ANXA11: variants seen among roughly 807,000 people sequenced by gnomAD.
ANXA11 encodes annexin A11, also known as 56 kDa autoantigen.
Under a neutral mutation model 64.7 loss-of-function variants are expected in ANXA11, and 57 were observed. That is an observed-to-expected ratio of 0.88 (90% confidence interval 0.71 to 1.10). ANXA11 has a LOEUF of 1.10. ANXA11 is among the 50% of genes least tolerant of loss of function. The pLI, the probability that ANXA11 is intolerant of heterozygous loss-of-function variation, is 0.00. For synonymous variants in ANXA11, 260 were observed against 265.2 expected (o/e 0.98, Z 0.19); for missense variants, 675 against 670.7 (o/e 1.01, Z -0.07).
At chr10:80,182,947 T>C (rs1554834245) in intron 1 of ANXA11, among the ~76,000 whole-genome samples, 1 of 152,112 alleles carries the variant, frequency 6.6e-6, no homozygotes, top group Non-Finnish European at 1.5e-5. Flanking sequence ...AGAGAATTGG[T>C]CAGTGTGGGG....
chr10:80,166,769 C>G, intron 7 of ANXA11, 121 bp downstream of exon 7: 1 of 774,290 alleles, frequency 1.3e-6, no homozygotes, highest in Non-Finnish European at 2.1e-6. Flanking sequence ...AGGAAATGCC[C>G]TCCTGCTCCT....
intron 1 of ANXA11, among the ~76,000 whole-genome samples, chr10:80,199,847 G>A (rs1840341614): frequency 6.6e-6 from 1 of 152,136 alleles, no homozygotes; most frequent in Non-Finnish European, 1.5e-5. Flanking sequence ...GTACAACAAG[G>A]CATAGCCTAG....
At chr10:80,174,904 G>T (rs567889691) in intron 2 of ANXA11, among the ~76,000 whole-genome samples, 3 of 152,184 alleles carry the variant, frequency 2.0e-5, no homozygotes, top group Non-Finnish European at 4.4e-5. Flanking sequence ...AGGTACCACC[G>T]GTCCCCATAG....
chr10:80,158,992 G>C (rs1245026503), intron 13 of ANXA11, 108 bp downstream of exon 13: 1 of 806,738 alleles, frequency 1.2e-6, no homozygotes. Flanking sequence ...CTTGGATCCT[G>C]TGGTCCCTTC....
chr10:80,177,067 C>A (rs1390464371), intron 1 of ANXA11, among the ~76,000 whole-genome samples: 1 of 151,678 alleles, frequency 6.6e-6, no homozygotes, highest in Non-Finnish European at 1.5e-5. Flanking sequence ...GCAACCTCCA[C>A]CTCCTCGGTG....
Position 80,155,704 on chromosome 10 carries a change from CG to C in ANXA11, c.*148del, listed in dbSNP as rs1845246227. ...GACCCAGGTCCTGTGGCACACTATA[CG>C]GGTCAGGAGGGGTGGAAGACAGGCC... On this transcript the variant is annotated 3_prime_UTR_variant, in exon 16 of 16. Transcript: ENST00000422982. 5.0e-6 allele frequency: 4 copies of C among 793,402 alleles called. No individual in the cohort carries two copies. Among genetic ancestry groups the C allele is most frequent in the Non-Finnish European group, 8.5e-6 (4 of 467,880 alleles). 49.1% of individuals were successfully genotyped at this position (793,402 alleles called of 1,614,324 possible).
chr10:80,179,725 C>T (rs1044271387), intron 1 of ANXA11, among the ~76,000 whole-genome samples: 7 of 152,110 alleles, frequency 4.6e-5, no homozygotes, highest in African/African-American at 1.2e-4. Flanking sequence ...CTTTGTTCTG[C>T]GTTAAATGAA....
At chr10:80,199,973 CTG>C (rs942802803) in intron 1 of ANXA11, among the ~76,000 whole-genome samples, 2 of 152,180 alleles carry the variant, frequency 1.3e-5, no homozygotes, top group Non-Finnish European at 2.9e-5. Flanking sequence ...ACTGGCTACT[CTG>C]TCAAAAACTC....
intron 1 of ANXA11, among the ~76,000 whole-genome samples, chr10:80,203,721 G>A (rs1840549066): frequency 6.6e-6 from 1 of 152,232 alleles, no homozygotes; most frequent in Non-Finnish European, 1.5e-5. Flanking sequence ...AGTGAGCTCA[G>A]AGCATATCCC....
chr10:80,178,302 A>C (rs1454779760), intron 1 of ANXA11, among the ~76,000 whole-genome samples: 5 of 152,176 alleles, frequency 3.3e-5, no homozygotes, highest in African/African-American at 1.2e-4. Context: ...GCATGGGGCA[A>C]GAGACATGCT....
intron 15 of ANXA11, chr10:80,157,019 C>T: frequency 3.0e-6 from 3 of 985,446 alleles, no homozygotes; most frequent in Non-Finnish European, 3.6e-6. Flanking sequence ...CTCTGCCACA[C>T]AGCGATACAA....
chr10:80,167,295 T>C lies in ANXA11; in HGVS notation c.580A>G (p.Ile194Val), dbSNP rs1276142979. The stretch of plus-strand genomic sequence containing the variant: ...GGGTCAAAGCCGGGAGCATCAGTGA[T>C]GGTGCCTCGGCTTCCAAACTACTCG... ...PPTQFGSRGT[I>V]TDAPGFDPLR... Residue 194 changes from isoleucine to valine, a missense_variant, in exon 6 of 16, where the codon ATC becomes GTC. Transcript: ENST00000422982. 1 of 1,614,122 alleles carries C rather than the reference T, an allele frequency of 6.2e-7. No homozygotes were observed. The highest frequency in any genetic ancestry group is 1.7e-5 in the Admixed American group (1 of 60,016).
intron 15 of ANXA11, 101 bp from the exon 16 acceptor site, chr10:80,156,013 GC>G: frequency 1.6e-6 from 2 of 1,236,556 alleles, no homozygotes; most frequent in South Asian, 2.6e-5. Context: ...TAGGGAGAAA[GC>G]CCCACCCTGG....
chr10:80,202,737 GA>G (rs1694159879), intron 1 of ANXA11, among the ~76,000 whole-genome samples: 2 of 152,096 alleles, frequency 1.3e-5, no homozygotes, highest in Non-Finnish European at 2.9e-5. Context: ...GCTTACGGGG[GA>G]AAACAGTGGC....
chr10:80,166,248 T>TA (rs1412540178), intron 7 of ANXA11, 51 bp from the exon 8 acceptor site: 5 of 1,171,162 alleles, frequency 4.3e-6, no homozygotes, highest in African/African-American at 3.1e-5. Context: ...CAAGTCTATT[T>TA]AAAAAATCCA....
intron 8 of ANXA11, 29 bp from the exon 9 acceptor site, chr10:80,164,172 T>C (rs377390782): frequency 6.9e-6 from 11 of 1,583,116 alleles, no homozygotes; most frequent in African/African-American, 6.7e-5. Context: ...CAACCAACCA[T>C]GTGCTTGTTC....
Position 80,170,286 on chromosome 10 carries a change from G to A in ANXA11, c.171+514C>T, listed in dbSNP as rs144803358. ...GTTGCATAATTTCCTCTAAGCATACGTTTGTTTTCAAATCATAAACTAAGC... is the reference window on the plus strand; with the variant it reads ...GTTGCATAATTTCCTCTAAGCATACATTTGTTTTCAAATCATAAACTAAGC... On this transcript the variant is annotated intron_variant, in intron 4 of 15. Coordinates refer to ENST00000422982, the MANE Select transcript of ANXA11 (RefSeq NM_145868.2). 4.5e-3 allele frequency among the ~76,000 whole-genome samples: 679 copies of A among 152,224 alleles called. 1 individual carries two copies. Among genetic ancestry groups the A allele is most frequent in the Non-Finnish European group, 7.0e-3 (474 of 68,022 alleles).
At chr10:80,162,914 C>T (rs956155131) in intron 11 of ANXA11, among the ~76,000 whole-genome samples, 1 of 152,176 alleles carries the variant, frequency 6.6e-6, no homozygotes, top group Admixed American at 6.5e-5. Context: ...TTGTCTGCAA[C>T]TCACAAGAGG....
rs145521285 is a variant in ANXA11, at chr10:80,171,260, T to C, written c.56-345A>G. 90 of 1,149,236 alleles carry C rather than the reference T, an allele frequency of 7.8e-5. 1 individual carries two copies. The African/African-American group carries it at 1.4e-3, about 18-fold the overall frequency. 71.2% of individuals were successfully genotyped at this position (1,149,236 alleles called of 1,614,324 possible). ...GAGGACAGACAAGGACAGACTGTTGTGGGACACCATGCTGAGCCCATGACA... is the reference window on the plus strand; with the variant it reads ...GAGGACAGACAAGGACAGACTGTTGCGGGACACCATGCTGAGCCCATGACA... On this transcript the variant is annotated intron_variant, in intron 3 of 15. Transcript: ENST00000422982.
Sources: gnomAD v4.1 joint callset for allele counts (sites outside exome capture counted in the v4.1 genomes callset) on GRCh38, gnomAD v4.1.1 for gene constraint, MANE v1.5 for transcripts, NCBI Gene and HGNC (gene_info 2026-07-23, HGNC 2026-07-21) for gene names.